B3GNT4: variants seen among roughly 807,000 people sequenced by gnomAD.
B3GNT4 encodes the protein N-acetyllactosaminide beta-1,3-N-acetylglucosaminyltransferase 4.
B3GNT4 carries 2 observed loss-of-function variants against 2.7 expected under a neutral mutation model. The observed-to-expected ratio is 0.73, with a 90% CI of 0.30 to 2.31. B3GNT4 has a LOEUF of 2.31. Ranked by LOEUF, B3GNT4 falls within the 30% of genes most tolerant of loss-of-function variation. B3GNT4 has a pLI of 0.12. For synonymous variants in B3GNT4, 280 were observed against 203.4 expected (o/e 1.38, Z -3.20); for missense variants, 708 against 490.9 (o/e 1.44, Z -4.18).
In B3GNT4 at chr12:122,204,577, GC is replaced by G; in HGVS notation, c.-39del. The G allele has an allele frequency of 6.4e-7, 1 of 1,562,996 alleles. No individual in the cohort carries two copies. ...TCGCTTCGACCCCGCCGCCGCCGCCGCCCGGCATCCTGAGCACGGAGACAGT... is the reference window on the plus strand; with the variant it reads ...TCGCTTCGACCCCGCCGCCGCCGCCGCCGGCATCCTGAGCACGGAGACAGT... On this transcript the variant is annotated 5_prime_UTR_variant, in exon 2 of 3. Coordinates refer to ENST00000324189, the MANE Select transcript of B3GNT4 (RefSeq NM_030765.4).
Position 122,208,531 on chromosome 12 carries a change from C to G in B3GNT4, c.*1143C>G, listed in dbSNP as rs1953993057. ...GGTGCACCTCTTCCACCTGCAGTTT[C>G]ACCAGCTGAATGTGATTCCTGGCGG... On this transcript the variant is annotated 3_prime_UTR_variant, in exon 3 of 3. Transcript: ENST00000324189. 2 of 1,613,920 alleles carry G rather than the reference C, an allele frequency of 1.2e-6. No homozygotes were observed. The highest frequency in any genetic ancestry group is 8.5e-7 in the Non-Finnish European group (1 of 1,180,048).
rs775486046 is a variant in B3GNT4 at position 122,207,012 on chromosome 12, G to A, written c.761G>A (p.Arg254Lys). ...GTCATCCGCCAAGCCCTGCCCAACAGGAACACTAAGGTCAAATACTTCATC... is the reference window on the plus strand; with the variant it reads ...GTCATCCGCCAAGCCCTGCCCAACAAGAACACTAAGGTCAAATACTTCATC... ...GDVIRQALPN[R>K]NTKVKYFIPP... Residue 254 changes from arginine (R) to lysine (K), a missense_variant, in exon 3 of 3, where the codon AGG becomes AAG. By Grantham distance (26) the Arg-to-Lys change is conservative. Coordinates refer to ENST00000324189, the MANE Select transcript of B3GNT4 (RefSeq NM_030765.4). 5.6e-6 allele frequency: 9 copies of A among 1,613,978 alleles called. No homozygotes were observed. The highest frequency in any genetic ancestry group is 2.2e-5 in the East Asian group (1 of 44,878).
At chr12:122,205,670 C>T (rs1436996564) in intron 2 of B3GNT4, 2 of 152,424 alleles carry the variant, frequency 1.3e-5, no homozygotes, top group Non-Finnish European at 2.9e-5. Flanking sequence ...CGGGGTGCCT[C>T]GGAAGCCATC....
At position 122,206,341 on chromosome 12, in the gene B3GNT4, G is replaced by A. The variant is rs781585947; in HGVS notation, c.90G>A (p.Leu30=). The A allele has an allele frequency of 1.8e-5, 29 of 1,589,468 alleles. No homozygotes were observed. Among genetic ancestry groups the A allele is most frequent in the Non-Finnish European group, 2.5e-5 (29 of 1,168,264 alleles). The change falls in exon 3 of 3, where the codon CTG becomes CTA. Residue 30 remains leucine, a synonymous_variant. Transcript: ENST00000324189. ...AGGGACCGGCGATGCTCTGCAGGCT[G>A]TGCTGGCTGGTCTCGTACAGCTTGG... ...LPKGPAMLCR[L]CWLVSYSLAV...
rs1953918563 is a variant in B3GNT4, at chr12:122,206,505, C to T, written c.254C>T (p.Ala85Val). The stretch of plus-strand genomic sequence containing the variant: ...CCACCCAACCACACAGTGTCTAGCG[C>T]CTCTCTGTCCCTGCCTAGCCGTCAC... Reference protein sequence around the residue: ...RCPPNHTVSSASLSLPSRHRL... With the variant: ...RCPPNHTVSSVSLSLPSRHRL... The change falls in exon 3 of 3, where the codon GCC becomes GTC. Residue 85 changes from alanine (A) to valine (V), a missense_variant. Physicochemically the swap from Ala to Val is moderately conservative, Grantham distance 64. Transcript: ENST00000324189. 5.6e-6 allele frequency: 9 copies of T among 1,614,084 alleles called. No homozygotes were observed. Among genetic ancestry groups the T allele is most frequent in the Admixed American group, 1.7e-5 (1 of 60,006 alleles).
In B3GNT4 at chr12:122,207,463, G is replaced by C; in HGVS notation, c.*75G>C. 2 of 1,358,710 alleles carry C rather than the reference G, an allele frequency of 1.5e-6. No individual in the cohort carries two copies. The highest frequency in any genetic ancestry group is 2.0e-6 in the Non-Finnish European group (2 of 1,021,862). 84.2% of individuals were successfully genotyped at this position (1,358,710 alleles called of 1,614,324 possible). On this transcript the variant is annotated 3_prime_UTR_variant, in exon 3 of 3. Coordinates refer to ENST00000324189, the MANE Select transcript of B3GNT4 (RefSeq NM_030765.4). ...TCGTGATGCGAAATTGATGCCTGCT[G>C]CTCTACAGAAAATGCCAACTTGGTT... is the stretch of plus-strand genomic sequence containing the variant.
rs146461022 is a variant in B3GNT4, at chr12:122,207,300, G to A, written c.1049G>A (p.Arg350His). ...TATAGGGGGCTCCTGCTGGTTCACC[G>A]CCTCAGCCCCCTCGAGATGTGGACC... is the stretch of plus-strand genomic sequence containing the variant. ...CLYRGLLLVH[R>H]LSPLEMWTMW... The change falls in exon 3 of 3, where the codon CGC becomes CAC. Residue 350 changes from arginine (R) to histidine (H), a missense_variant. Coordinates refer to ENST00000324189, the MANE Select transcript of B3GNT4 (RefSeq NM_030765.4). 248 of 1,613,544 alleles carry A rather than the reference G, an allele frequency of 1.5e-4. No individual in the cohort carries two copies. Among genetic ancestry groups the A allele is most frequent in the Non-Finnish European group, 1.9e-4 (224 of 1,179,768 alleles).
In B3GNT4 at chr12:122,207,508, G is replaced by C; in HGVS notation, c.*120G>C. 2 of 927,154 alleles carry C rather than the reference G, an allele frequency of 2.2e-6. No homozygotes were observed. The highest frequency in any genetic ancestry group is 3.1e-6 in the Non-Finnish European group (2 of 635,286). The allele number at this position is 927,154 out of a possible 1,614,324, so 57.4% of individuals were successfully genotyped here. A position where few individuals can be genotyped will look rare whatever the true frequency, so the allele number is the denominator to read the frequency against. ...TTGGTTTTTTAACTCCTCTCACCCT[G>C]TTAGCTCTGATTAAAAACACTGCAA... On this transcript the variant is annotated 3_prime_UTR_variant, in exon 3 of 3. Transcript: ENST00000324189.
At position 122,207,046 on chromosome 12, in the gene B3GNT4, A is replaced by T. The variant is rs777391992; in HGVS notation, c.795A>T (p.Ser265=). The T allele has an allele frequency of 1.2e-6, 2 of 1,613,770 alleles. No individual in the cohort carries two copies. The highest frequency in any genetic ancestry group is 1.7e-6 in the Non-Finnish European group (2 of 1,179,824). The change falls in exon 3 of 3, where the codon TCA becomes TCT. Residue 265 remains serine, a synonymous_variant. Transcript: ENST00000324189. ...NTKVKYFIPP[S]MYRATHYPPY... is the part of the protein sequence containing the mutation. ...AGGTCAAATACTTCATCCCACCCTC[A>T]ATGTACAGGGCCACCCACTACCCAC...
In B3GNT4 at chr12:122,207,866, CT is replaced by C; in HGVS notation, c.*479del. 1 of 460,504 alleles carries C rather than the reference CT, an allele frequency of 2.2e-6. No individual in the cohort carries two copies. The highest frequency in any genetic ancestry group is 4.3e-6 in the Non-Finnish European group (1 of 231,246). 28.5% of individuals were successfully genotyped at this position (460,504 alleles called of 1,614,324 possible). ...AGTAATAGGTTTTTCACTCCTTGGC[CT>C]CAGCTGTCCTCACAGGACAGTGGGG... On this transcript the variant is annotated 3_prime_UTR_variant, in exon 3 of 3. Transcript: ENST00000324189.
In B3GNT4 at chr12:122,207,054, G is replaced by A. The variant is rs2136075189; in HGVS notation, c.803G>A (p.Arg268Lys). 6.2e-7 allele frequency: 1 copy of A among 1,613,856 alleles called. No homozygotes were observed. The highest frequency in any genetic ancestry group is 8.5e-7 in the Non-Finnish European group (1 of 1,179,872). The change falls in exon 3 of 3, where the codon AGG becomes AAG. Residue 268 changes from arginine (R) to lysine (K), a missense_variant. Arg to Lys is a conservative substitution (Grantham distance 26). Coordinates refer to ENST00000324189, the MANE Select transcript of B3GNT4 (RefSeq NM_030765.4). ...VKYFIPPSMY[R>K]ATHYPPYAGG... ...TACTTCATCCCACCCTCAATGTACA[G>A]GGCCACCCACTACCCACCCTATGCT...
In B3GNT4 at chr12:122,208,764, C is replaced by T. The variant is rs772654191; in HGVS notation, c.*1376C>T. ...TGTTCAGGTCTGGATTTAACTGACA[C>T]TCTGTCAAAAACAGCATTTTTCTTC... On this transcript the variant is annotated 3_prime_UTR_variant, in exon 3 of 3. Coordinates refer to ENST00000324189, the MANE Select transcript of B3GNT4 (RefSeq NM_030765.4). 23 of 704,900 alleles carry T rather than the reference C, an allele frequency of 3.3e-5. No individual in the cohort carries two copies. Among genetic ancestry groups the T allele is most frequent in the African/African-American group, 5.2e-5 (3 of 57,234 alleles). The allele number at this position is 704,900 out of a possible 1,614,324, so 43.7% of individuals were successfully genotyped here. A position where few individuals can be genotyped will look rare whatever the true frequency, so the allele number is the denominator to read the frequency against.
Position 122,207,142 on chromosome 12 carries a change from T to C in B3GNT4, c.891T>C (p.Asp297=). The C allele has an allele frequency of 6.2e-7, 1 of 1,614,100 alleles. No individual in the cohort carries two copies. The highest frequency in any genetic ancestry group is 8.5e-7 in the Non-Finnish European group (1 of 1,179,988). Residue 297 remains aspartate (D), a synonymous_variant, in exon 3 of 3, where the codon GAT becomes GAC. Coordinates refer to ENST00000324189, the MANE Select transcript of B3GNT4 (RefSeq NM_030765.4). ...TVRRLQAIME[D]AELFPIDDVF... is the part of the protein sequence containing the mutation. ...GGCGCCTCCAGGCTATCATGGAAGA[T>C]GCTGAACTCTTCCCCATTGATGATG...
At position 122,206,826 on chromosome 12, in the gene B3GNT4, A is replaced by T; in HGVS notation, c.575A>T (p.Asn192Ile). 3 of 1,612,996 alleles carry T rather than the reference A, an allele frequency of 1.9e-6. No homozygotes were observed. The highest frequency in any genetic ancestry group is 1.7e-6 in the Non-Finnish European group (2 of 1,179,638). Residue 192 changes from asparagine (N) to isoleucine (I), a missense_variant, in exon 3 of 3, where the codon AAC (asparagine) becomes ATC (isoleucine). Coordinates refer to ENST00000324189, the MANE Select transcript of B3GNT4 (RefSeq NM_030765.4). ...LQWDFTEDFF[N>I]LTLKELHLQR... ...TGGGACTTCACTGAGGACTTCTTCA[A>T]CCTGACGCTCAAGGAGCTGCACCTG... is the stretch of plus-strand genomic sequence containing the variant.
Position 122,207,560 on chromosome 12 carries a change from G to T in B3GNT4, c.*172G>T, listed in dbSNP as rs1486184774. ...CCAGCTAACTTGTCCAGCATATGTT[G>T]AATGGGAGCCAAAGTGTAGCAAATG... On this transcript the variant is annotated 3_prime_UTR_variant, in exon 3 of 3. Coordinates refer to ENST00000324189, the MANE Select transcript of B3GNT4 (RefSeq NM_030765.4). The T allele has an allele frequency of 8.6e-6, 6 of 698,954 alleles. No individual in the cohort carries two copies. The highest frequency in any genetic ancestry group is 1.4e-5 in the Non-Finnish European group (6 of 425,882). 43.3% of individuals were successfully genotyped at this position (698,954 alleles called of 1,614,324 possible). A position where few individuals can be genotyped will look rare whatever the true frequency, so the allele number is the denominator to read the frequency against.
chr12:122,206,011 G>C (rs538434446), intron 2 of B3GNT4: 6 of 371,234 alleles, frequency 1.6e-5, no homozygotes, highest in Non-Finnish European at 2.9e-5. Context: ...TCAGGTGCTC[G>C]AGTTTCCTGG....
In B3GNT4 at chr12:122,207,468, A is replaced by C; in HGVS notation, c.*80A>C. The C allele has an allele frequency of 7.5e-7, 1 of 1,334,308 alleles. No homozygotes were observed. The highest frequency in any genetic ancestry group is 1.0e-6 in the Non-Finnish European group (1 of 1,001,798). 82.7% of individuals were successfully genotyped at this position (1,334,308 alleles called of 1,614,324 possible). ...ATGCGAAATTGATGCCTGCTGCTCTACAGAAAATGCCAACTTGGTTTTTTA... is the reference window on the plus strand; with the variant it reads ...ATGCGAAATTGATGCCTGCTGCTCTCCAGAAAATGCCAACTTGGTTTTTTA... On this transcript the variant is annotated 3_prime_UTR_variant, in exon 3 of 3. Transcript: ENST00000324189.
Position 122,208,845 on chromosome 12 carries a change from T to C in B3GNT4, c.*1457T>C. The C allele has an allele frequency of 5.3e-6, 3 of 565,948 alleles. No homozygotes were observed. Among genetic ancestry groups the C allele is most frequent in the Middle Eastern group, 2.7e-4 (1 of 3,664 alleles). The allele number at this position is 565,948 out of a possible 1,614,324, so 35.1% of individuals were successfully genotyped here. ...AATGCAACTCTCACAATCATCTTTA[T>C]AGCTACAGAGCTTTTAGTACAGACC... On this transcript the variant is annotated 3_prime_UTR_variant, in exon 3 of 3. Coordinates refer to ENST00000324189, the MANE Select transcript of B3GNT4 (RefSeq NM_030765.4).
In B3GNT4 at chr12:122,207,202, G is replaced by C. The variant is rs138993573; in HGVS notation, c.951G>C (p.Leu317=). 46 of 1,613,972 alleles carry C rather than the reference G, an allele frequency of 2.9e-5. No individual in the cohort carries two copies. Among genetic ancestry groups the C allele is most frequent in the Non-Finnish European group, 3.9e-5 (46 of 1,180,028 alleles). Residue 317 remains leucine, a synonymous_variant, in exon 3 of 3, where the codon CTG becomes CTC. Coordinates refer to ENST00000324189, the MANE Select transcript of B3GNT4 (RefSeq NM_030765.4). The part of the protein sequence containing the change: ...FVGMCLRRLG[L]SPMHHAGFKT... ...GTATGTGCCTGAGGCGGCTGGGGCT[G>C]AGCCCTATGCACCATGCTGGCTTCA... is the stretch of plus-strand genomic sequence containing the variant.
Sources: gnomAD v4.1 joint callset for allele counts on GRCh38, gnomAD v4.1.1 for gene constraint, MANE v1.5 for transcripts, NCBI Gene and HGNC (gene_info 2026-07-23, HGNC 2026-07-21) for gene names.